The following CTIF variants were observed in gnomAD, a reference collection of about 807,000 sequenced individuals.
CTIF encodes cap binding complex dependent translation initiation factor, also known as CBP80/20-dependent translation initiation factor.
CTIF carries 21 observed loss-of-function variants against 66.0 expected under a neutral mutation model. The ratio of observed to expected loss-of-function variants is 0.32; its 90% CI spans 0.23 to 0.46. The LOEUF (loss-of-function observed/expected upper bound fraction) is 0.46, where lower values mean the gene tolerates loss of function less well. CTIF is among the 20% of genes least tolerant of loss of function. The pLI is 1.00. For missense variants in CTIF, 739 were observed against 812.7 expected (o/e 0.91, Z 1.10); for synonymous variants, 345 against 326.4 (o/e 1.06, Z -0.62).
chr18:48,706,186 A>G (rs1029659572), intron 6 of CTIF, among the ~76,000 whole-genome samples: 3 of 152,206 alleles, frequency 2.0e-5, no homozygotes. Context: ...AGCAAAACAT[A>G]GTCCTTTATC....
chr18:48,673,179 G>A (rs908790299), intron 6 of CTIF, among the ~76,000 whole-genome samples: 11 of 152,190 alleles, frequency 7.2e-5, no homozygotes, highest in Non-Finnish European at 1.5e-4. Flanking sequence ...CTGGACTCTG[G>A]GCTGCCTGAG....
chr18:48,628,543 A>C (rs2090643722), intron 2 of CTIF, among the ~76,000 whole-genome samples: 1 of 152,212 alleles, frequency 6.6e-6, no homozygotes, highest in African/African-American at 2.4e-5. Context: ...CAGCAAGTAC[A>C]TGGCAAGACT....
intron 10 of CTIF, among the ~76,000 whole-genome samples, chr18:48,840,378 CAGTG>C (rs10539430): frequency 0.049 from 7,403 of 152,274 alleles, 551 homozygotes; most frequent in African/African-American, 0.17. Context: ...CAGTTGAACA[CAGTG>C]AGAATGCACA....
chr18:48,679,860 G>A (rs1223936258), intron 6 of CTIF, among the ~76,000 whole-genome samples: 1 of 152,194 alleles, frequency 6.6e-6, no homozygotes, highest in Non-Finnish European at 1.5e-5. Flanking sequence ...GCCTTGGGGG[G>A]TGGCCTGGGA....
chr18:48,669,048 G>A (rs1032497748), intron 5 of CTIF, among the ~76,000 whole-genome samples: 3 of 152,142 alleles, frequency 2.0e-5, no homozygotes, highest in Admixed American at 2.0e-4. Context: ...CCTCCTCTGG[G>A]TTCCAGGGCG....
At chr18:48,711,568 GC>G (rs771396866) in intron 6 of CTIF, 50 bp from the exon 7 acceptor site, 1 of 1,452,194 alleles carries the variant, frequency 6.9e-7, no homozygotes, top group East Asian at 2.3e-5. Flanking sequence ...GAGGTGCTTT[GC>G]TCTCTTTCAG....
intron 10 of CTIF, among the ~76,000 whole-genome samples, chr18:48,844,454 G>T (rs2069023020): frequency 6.6e-6 from 1 of 152,250 alleles, no homozygotes; most frequent in African/African-American, 2.4e-5. Flanking sequence ...CCCCGGGCCA[G>T]CTGTGGGATG....
chr18:48,688,443 A>G (rs1441038178), intron 6 of CTIF: 1 of 152,294 alleles, frequency 6.6e-6, no homozygotes, highest in Non-Finnish European at 1.5e-5. Context: ...GCCAGAGAGA[A>G]CACAGAAGAC....
intron 7 of CTIF, among the ~76,000 whole-genome samples, chr18:48,728,916 A>G (rs2092411633): frequency 6.6e-6 from 1 of 152,142 alleles, no homozygotes. Flanking sequence ...GACCACTGGG[A>G]GCCACCTTTA....
intron 6 of CTIF, among the ~76,000 whole-genome samples, chr18:48,705,922 T>C (rs2092146922): frequency 6.6e-6 from 1 of 152,226 alleles, no homozygotes; most frequent in African/African-American, 2.4e-5. Flanking sequence ...ACATGGCACA[T>C]ATCAGCTTCT....
In CTIF at chr18:48,711,643, G is replaced by A. The variant is rs2092224481; in HGVS notation, c.532G>A (p.Val178Met). ...WQGYHPMPHE[V>M]EIAHTKKLFR... is the part of the protein sequence containing the mutation. ...GGGCTACCACCCGATGCCCCATGAA[G>A]TGGAGATCGCACACACCAAGAAGCT... The change falls in exon 7 of 12, where the codon GTG becomes ATG. Residue 178 changes from valine to methionine, a missense_variant. Physicochemically the swap from Val to Met is conservative, Grantham distance 21. Around this residue, in one of 2 missense-constraint regions of CTIF, gnomAD observed 529 missense variants for 520.3 expected, o/e 1.02. Coordinates refer to ENST00000256413, the MANE Select transcript of CTIF (RefSeq NM_014772.3). The A allele has an allele frequency of 6.2e-7, 1 of 1,614,156 alleles. No homozygotes were observed. Among genetic ancestry groups the A allele is most frequent in the East Asian group, 2.2e-5 (1 of 44,884 alleles).
intron 7 of CTIF, 99 bp from the exon 8 acceptor site, chr18:48,757,820 T>C: frequency 3.5e-6 from 5 of 1,446,242 alleles, no homozygotes; most frequent in Non-Finnish European, 4.6e-6. Context: ...AATGAATATA[T>C]GGACAAGGCA....
intron 5 of CTIF, among the ~76,000 whole-genome samples, chr18:48,665,850 C>T (rs746083567): frequency 2.0e-4 from 30 of 152,104 alleles, no homozygotes; most frequent in Non-Finnish European, 4.0e-4. Context: ...ATGGATATAC[C>T]ACAATTTGTT....
At chr18:48,665,401 A>G (rs1018768453) in intron 5 of CTIF, among the ~76,000 whole-genome samples, 1 of 152,210 alleles carries the variant, frequency 6.6e-6, no homozygotes, top group African/African-American at 2.4e-5. Flanking sequence ...CAGGACGGGA[A>G]TGTGACTCCA....
At chr18:48,706,038 G>A (rs1240784567) in intron 6 of CTIF, among the ~76,000 whole-genome samples, 1 of 152,146 alleles carries the variant, frequency 6.6e-6, no homozygotes, top group Non-Finnish European at 1.5e-5. Flanking sequence ...CATTTGTCGA[G>A]TGAGAGAGAG....
chr18:48,695,517 G>A (rs1425645007), intron 6 of CTIF, among the ~76,000 whole-genome samples: 1 of 152,184 alleles, frequency 6.6e-6, no homozygotes, highest in African/African-American at 2.4e-5. Flanking sequence ...TTTGATGTTA[G>A]AGAACTGAGG....
chr18:48,678,077 A>G (rs2091665706), intron 6 of CTIF, among the ~76,000 whole-genome samples: 1 of 152,180 alleles, frequency 6.6e-6, no homozygotes, highest in Non-Finnish European at 1.5e-5. Context: ...CTTTCTAAGG[A>G]GGGACGATGA....
intron 1 of CTIF, among the ~76,000 whole-genome samples, chr18:48,543,808 C>T (rs1020052801): frequency 1.3e-5 from 2 of 152,180 alleles, no homozygotes; most frequent in African/African-American, 2.4e-5. Context: ...TTAGGTTCTT[C>T]CCAAAGAGTG....
At chr18:48,851,206 C>T (rs1474511911) in intron 10 of CTIF, among the ~76,000 whole-genome samples, 1 of 152,212 alleles carries the variant, frequency 6.6e-6, no homozygotes, top group Non-Finnish European at 1.5e-5. Context: ...GCCCCAGGAG[C>T]CTGCCTGCGG....
Sources: allele counts gnomAD v4.1 joint callset (sites outside exome capture counted in the v4.1 genomes callset), GRCh38; gene constraint gnomAD v4.1.1; regional missense constraint gnomAD v4.1.1; transcripts MANE v1.5; gene names NCBI Gene and HGNC (gene_info 2026-07-23, HGNC 2026-07-21).